The following PKD1 variants were observed in gnomAD, a reference collection of about 807,000 sequenced individuals.
PKD1 encodes polycystin-1.
Under a neutral mutation model 361.7 loss-of-function variants are expected in PKD1, and 81 were observed. The observed-to-expected ratio is 0.22, with a 90% CI of 0.19 to 0.27. PKD1 has a LOEUF of 0.27. PKD1 is among the 10% of genes least tolerant of loss of function. The pLI is 1.00. For synonymous variants in PKD1, 3,615 were observed against 2,818.3 expected, an observed-to-expected ratio of 1.28 and a Z score of -8.95; for missense variants, 6,399 against 6,118.3, an observed-to-expected ratio of 1.05 and a Z score of -1.53.
In PKD1 at chr16:2,117,063, G is replaced by A. The variant is rs1469667552; in HGVS notation, c.1386-10C>T. 2.0e-6 allele frequency: 3 copies of A among 1,475,364 alleles called. No individual in the cohort carries two copies. Among genetic ancestry groups the A allele is most frequent in the Non-Finnish European group, 2.8e-6 (3 of 1,079,266 alleles). The allele number at this position is 1,475,364 out of a possible 1,614,324, so 91.4% of individuals were successfully genotyped here. A position where few individuals can be genotyped will look rare whatever the true frequency, so the allele number is the denominator to read the frequency against. ...CCACACGTCTAGGCTCCTGGGGGCG[G>A]GTGTGGGATGGCAGGGGGCTCAGGG... On this transcript the variant is annotated splice_polypyrimidine_tract_variant and intron_variant, in intron 6 of 45. Transcript: ENST00000262304.
In PKD1 at chr16:2,103,363, C is replaced by G; in HGVS notation, c.8694G>C (p.Val2898=). Residue 2898 remains valine (V), a synonymous_variant, in exon 23 of 46, where the codon GTG becomes GTC. Transcript: ENST00000262304. ...RSSANSANSV[V]VQPQASVGAV... ...CACCGACGGAGGCCTGGGGCTGGAC[C>G]ACAACGGAGTTGGCGGAGTTGGCGG... The G allele has an allele frequency of 6.2e-7, 1 of 1,603,660 alleles. No individual in the cohort carries two copies. The highest frequency in any genetic ancestry group is 8.5e-7 in the Non-Finnish European group (1 of 1,179,358).
Position 2,109,432 on chromosome 16 carries a change from G to T in PKD1, c.5735C>A (p.Ala1912Asp). 6.2e-7 allele frequency: 1 copy of T among 1,604,632 alleles called. No individual in the cohort carries two copies. ...GCGGAAGGTGACAGCTGAGCCGGCA[G>T]CCAGCAGGATCTGAAAATGGACCAG... ...GQLVHFQILL[A>D]AGSAVTFRLQ... The change falls in exon 15 of 46, where the codon GCT (alanine) becomes GAT (aspartate). Residue 1912 changes from alanine (A) to aspartate (D), a missense_variant. Coordinates refer to ENST00000262304, the MANE Select transcript of PKD1 (RefSeq NM_001009944.3).
chr16:2,110,186 T>C lies in PKD1; in HGVS notation c.4981A>G (p.Asn1661Asp). Residue 1661 changes from asparagine (N) to aspartate (D), a missense_variant, in exon 15 of 46, where the codon AAC becomes GAC. Physicochemically the swap from Asn to Asp is conservative, Grantham distance 23. Coordinates refer to ENST00000262304, the MANE Select transcript of PKD1 (RefSeq NM_001009944.3). ...QLQAVVRDGT[N>D]VSYSWTAWRD... ...CAGGCAGTCCAGCTGTAGGAGACGT[T>C]GGTGCCATCCCTAACCACGGCCTGC... 1.9e-6 allele frequency: 3 copies of C among 1,611,304 alleles called. No homozygotes were observed. Among genetic ancestry groups the C allele is most frequent in the Non-Finnish European group, 2.5e-6 (3 of 1,179,794 alleles).
At chr16:2,096,785 G>T in intron 34 of PKD1, 1 of 281,894 alleles carries the variant, frequency 3.5e-6, no homozygotes, top group Non-Finnish European at 6.8e-6. Context: ...CCAAAGTGCT[G>T]GGATTACACG....
At chr16:2,097,680 A>G (rs764350657) in intron 32 of PKD1, 48 bp downstream of exon 32, 28 of 1,610,734 alleles carry the variant, frequency 1.7e-5, no homozygotes, top group Middle Eastern at 2.2e-4. Flanking sequence ...CCGGCACCCC[A>G]GACACAGTGA....
Position 2,102,983 on chromosome 16 carries a change from G to C in PKD1, c.8792-13C>G, listed in dbSNP as rs372843681. 49 of 1,601,148 alleles carry C rather than the reference G, an allele frequency of 3.1e-5. 1 individual carries two copies. The South Asian group carries it at 5.4e-4, about 18-fold the overall frequency. ...GACAGGTAGTGGCCTGGGGCAGAAC[G>C]CGCAGGTCACACGCCTGCCGGGAAG... On this transcript the variant is annotated splice_polypyrimidine_tract_variant and intron_variant, in intron 23 of 45. Coordinates refer to ENST00000262304, the MANE Select transcript of PKD1 (RefSeq NM_001009944.3).
rs538314197 is a variant in PKD1 at position 2,091,129 on chromosome 16, G to T, written c.11758C>A (p.Arg3920Ser). The T allele has an allele frequency of 4.0e-6, 6 of 1,484,976 alleles. No individual in the cohort carries two copies. The South Asian group carries it at 5.0e-5, about 12-fold the overall frequency. The allele number at this position is 1,484,976 out of a possible 1,614,324, so 92.0% of individuals were successfully genotyped here. ...FAVHFAVAEA[R>S]TWHREGRWRV... ...CAGCGCCCTTCCCTGTGCCAAGTAC[G>T]GGCCTCGGCCACGGCGAAGTGCACG... is the stretch of plus-strand genomic sequence containing the variant. The change falls in exon 43 of 46, where the codon CGT (arginine) becomes AGT (serine). Residue 3920 changes from arginine (R) to serine (S), a missense_variant. Arg to Ser is a moderately radical substitution (Grantham distance 110, BLOSUM62 -1). Coordinates refer to ENST00000262304, the MANE Select transcript of PKD1 (RefSeq NM_001009944.3).
At position 2,089,372 on chromosome 16, in the gene PKD1, A is replaced by G. The variant is rs2091339737; in HGVS notation, c.*355T>C. On this transcript the variant is annotated 3_prime_UTR_variant, in exon 46 of 46. Coordinates refer to ENST00000262304, the MANE Select transcript of PKD1 (RefSeq NM_001009944.3). The stretch of plus-strand genomic sequence containing the variant: ...GGGCAGGGTGGCGGCGGTGCAGGCT[A>G]ACCCTCCCTGAAGCCAGCAGCCTTA... 2.6e-6 allele frequency: 1 copy of G among 385,748 alleles called. No individual in the cohort carries two copies. The highest frequency in any genetic ancestry group is 4.8e-6 in the Non-Finnish European group (1 of 209,650). 23.9% of individuals were successfully genotyped at this position (385,748 alleles called of 1,614,324 possible). A position where few individuals can be genotyped will look rare whatever the true frequency, so the allele number is the denominator to read the frequency against.
Position 2,091,767 on chromosome 16 carries a change from G to GTC in PKD1, c.11537+13_11537+14insGA. The GTC allele has an allele frequency of 6.2e-7, 1 of 1,609,786 alleles. No individual in the cohort carries two copies. The highest frequency in any genetic ancestry group is 8.5e-7 in the Non-Finnish European group (1 of 1,179,286). ...TGCGGCCACCCCGGAGAGGGCAGGG[G>GTC]AGGGAGCTCCCACCTGTTGTCCAGC... On this transcript the variant is annotated intron_variant, in intron 41 of 45. Coordinates refer to ENST00000262304, the MANE Select transcript of PKD1 (RefSeq NM_001009944.3).
chr16:2,091,093 G>C lies in PKD1; in HGVS notation c.11794C>G (p.Arg3932Gly). 3 of 1,502,394 alleles carry C rather than the reference G, an allele frequency of 2.0e-6. No homozygotes were observed. The highest frequency in any genetic ancestry group is 2.7e-6 in the Non-Finnish European group (3 of 1,131,068). The allele number at this position is 1,502,394 out of a possible 1,614,324, so 93.1% of individuals were successfully genotyped here. ...WHREGRWRVL[R>G]LGAWARWLLV... The stretch of plus-strand genomic sequence containing the variant: ...AGCCACCGCGCCCAGGCTCCGAGCC[G>C]CAGCACGCGCCAGCGCCCTTCCCTG... Residue 3932 changes from arginine to glycine, a missense_variant, in exon 43 of 46, where the codon CGG (arginine) becomes GGG (glycine). Transcript: ENST00000262304.
At chr16:2,107,066 C>T (rs530357914) in intron 16 of PKD1, 118 bp from the exon 17 acceptor site, 23 of 920,142 alleles carry the variant, frequency 2.5e-5, no homozygotes, top group African/African-American at 5.0e-5. Context: ...TGGCCACTGC[C>T]GGTGAGCTCA....
intron 34 of PKD1, among the ~76,000 whole-genome samples, chr16:2,096,140 G>A (rs1368828945): frequency 6.6e-6 from 1 of 152,276 alleles, no homozygotes; most frequent in Non-Finnish European, 1.5e-5. Context: ...TGCCAGGGAT[G>A]TGTTCTGAGA....
intron 6 of PKD1, 24 bp from the exon 7 acceptor site, chr16:2,117,077 G>A (rs757131120): frequency 1.7e-5 from 20 of 1,209,188 alleles, no homozygotes; most frequent in Middle Eastern, 2.7e-4. Flanking sequence ...TGGGATGGCA[G>A]GGGGCTCAGG....
Position 2,105,923 on chromosome 16 carries a change from T to C in PKD1, c.7805A>G (p.Gln2602Arg). The C allele has an allele frequency of 5.6e-6, 9 of 1,597,318 alleles. No individual in the cohort carries two copies. The highest frequency in any genetic ancestry group is 7.6e-6 in the Non-Finnish European group (9 of 1,179,638). ...TASVLPGLLR[Q>R]ADPQHVIEYS... Reference sequence around the variant, plus strand: ...CTCGATGACGTGCTGGGGATCGGCCTGCCGCAGCAGCCCTGGGAGCACACT... The same window carrying C: ...CTCGATGACGTGCTGGGGATCGGCCCGCCGCAGCAGCCCTGGGAGCACACT... The change falls in exon 20 of 46, where the codon CAG becomes CGG. Residue 2602 changes from glutamine to arginine, a missense_variant. By Grantham distance (43) the Gln-to-Arg change is conservative. Transcript: ENST00000262304.
At chr16:2,108,189 T>G in intron 15 of PKD1, 63 bp downstream of exon 15, 1 of 1,517,056 alleles carries the variant, frequency 6.6e-7, no homozygotes, top group East Asian at 2.3e-5. Flanking sequence ...AAGCTGGGTG[T>G]TCTCTGGGCT....
Position 2,103,326 on chromosome 16 carries a change from G to A in PKD1, c.8731C>T (p.Leu2911=). The part of the protein sequence containing the change: ...PQASVGAVVT[L]DSSNPAAGLH... The stretch of plus-strand genomic sequence containing the variant: ...CCGGCCGCAGGGTTGCTGCTGTCCA[G>A]GGTGACCACAGCACCGACGGAGGCC... Residue 2911 remains leucine, a synonymous_variant, in exon 23 of 46, where the codon CTG becomes TTG. Coordinates refer to ENST00000262304, the MANE Select transcript of PKD1 (RefSeq NM_001009944.3). The A allele has an allele frequency of 6.2e-7, 1 of 1,607,450 alleles. No homozygotes were observed. The highest frequency in any genetic ancestry group is 8.5e-7 in the Non-Finnish European group (1 of 1,179,556).
chr16:2,091,707 GC>G, intron 41 of PKD1, 73 bp downstream of exon 41: 3 of 1,584,052 alleles, frequency 1.9e-6, no homozygotes, highest in Non-Finnish European at 1.7e-6. Flanking sequence ...GCCAGCGGGG[GC>G]CGGAGGAGTG....
At chr16:2,135,332 T>A (rs1596636213) in intron 1 of PKD1, 143 bp downstream of exon 1, 1 of 1,074,138 alleles carries the variant, frequency 9.3e-7, no homozygotes. Context: ...GCGTTCCTTA[T>A]TTAGCAGGGC....
chr16:2,129,315 A>C (rs1000243757), intron 1 of PKD1, among the ~76,000 whole-genome samples: 1 of 148,812 alleles, frequency 6.7e-6, no homozygotes, highest in Admixed American at 6.7e-5. Context: ...GCCACCACTA[A>C]TATCTATTTA....
Sources: gnomAD v4.1 joint callset for allele counts (sites outside exome capture counted in the v4.1 genomes callset) on GRCh38, gnomAD v4.1.1 for gene constraint, MANE v1.5 for transcripts, NCBI Gene and HGNC (gene_info 2026-07-23, HGNC 2026-07-21) for gene names.